QTGAL: variants seen among roughly 807,000 people sequenced by gnomAD.
QTGAL encodes queuosine-tRNA galactosyltransferase, also known as BGnT-like protein 1.
chr17:83,039,525 C>A, the QTGAL span, among the ~76,000 whole-genome samples: 6 of 117,252 alleles, frequency 5.1e-5, no homozygotes, highest in African/African-American at 1.8e-4. Context: ...CCGCCGCCCG[C>A]CCCTGTTCTA....
chr17:83,007,666 C>A, the QTGAL span, among the ~76,000 whole-genome samples: 544 of 152,298 alleles, frequency 3.6e-3, 4 homozygotes, highest in African/African-American at 0.012. Context: ...CTGATTGACG[C>A]CTGCTTCCAC....
At chr17:82,945,004 T>TTGAC in the QTGAL span, 1 of 152,214 alleles carries the variant, frequency 6.6e-6, no homozygotes, top group African/African-American at 2.4e-5. Context: ...GAAAATTTGA[T>TTGAC]TGACTTGGCC....
the QTGAL span, among the ~76,000 whole-genome samples, chr17:82,951,978 T>G: frequency 6.6e-6 from 1 of 151,638 alleles, no homozygotes; most frequent in East Asian, 1.9e-4. Context: ...TGGGGAGACG[T>G]GGAGACGTGG....
the QTGAL span, chr17:82,949,897 G>A: frequency 1.3e-5 from 2 of 152,226 alleles, no homozygotes; most frequent in Non-Finnish European, 2.9e-5. Flanking sequence ...CAACACCAGC[G>A]TGGGGATTTG....
chr17:82,980,697 G>A, the QTGAL span, among the ~76,000 whole-genome samples: 20 of 152,292 alleles, frequency 1.3e-4, no homozygotes, highest in African/African-American at 4.8e-4. Context: ...GACGGTCTAG[G>A]TCCTCTTGGG....
the QTGAL span, among the ~76,000 whole-genome samples, chr17:83,045,959 G>C: frequency 6.6e-6 from 1 of 151,904 alleles, no homozygotes; most frequent in African/African-American, 2.4e-5. Flanking sequence ...GAGTAGCTGG[G>C]ATTAAAGGCC....
At chr17:82,964,774 C>T in the QTGAL span, among the ~76,000 whole-genome samples, 10 of 96,834 alleles carry the variant, frequency 1.0e-4, no homozygotes, top group East Asian at 3.2e-4. Context: ...GGGACACGGA[C>T]GCCTGCAGGT....
At chr17:82,974,959 G>A in the QTGAL span, among the ~76,000 whole-genome samples, 16,091 of 80,564 alleles carry the variant, frequency 0.2, 1,308 homozygotes, top group African/African-American at 0.32. Context: ...CCCAGGGACC[G>A]GAGGCCACTA....
At chr17:83,008,351 G>C in the QTGAL span, among the ~76,000 whole-genome samples, 2 of 152,258 alleles carry the variant, frequency 1.3e-5, no homozygotes, top group African/African-American at 4.8e-5. Flanking sequence ...CAGGCCGCTG[G>C]AGTTGATCCC....
chr17:82,984,430 C>CGT, the QTGAL span, among the ~76,000 whole-genome samples: 1 of 119,518 alleles, frequency 8.4e-6, no homozygotes, highest in African/African-American at 3.0e-5. Context: ...CACAGGAGGA[C>CGT]GCAGGGAGAG....
At chr17:82,946,316 T>TA in the QTGAL span, among the ~76,000 whole-genome samples, 15 of 152,190 alleles carry the variant, frequency 9.9e-5, no homozygotes, top group African/African-American at 3.6e-4. Flanking sequence ...GTTCTCCAGT[T>TA]AAAGGAAGGC....
chr17:82,969,199 G>A, the QTGAL span, among the ~76,000 whole-genome samples: 15 of 151,250 alleles, frequency 9.9e-5, no homozygotes, highest in Non-Finnish European at 2.2e-4. Context: ...TCGCTCTGTC[G>A]CCCAGGCTGG....
At chr17:82,999,558 G>T in the QTGAL span, among the ~76,000 whole-genome samples, 1 of 152,286 alleles carries the variant, frequency 6.6e-6, no homozygotes, top group Admixed American at 6.5e-5. Context: ...TCAACGGTCG[G>T]TTAACACATA....
At chr17:82,980,092 T>C in the QTGAL span, among the ~76,000 whole-genome samples, 2 of 152,172 alleles carry the variant, frequency 1.3e-5, no homozygotes, top group African/African-American at 2.4e-5. Context: ...TAGCTCTAAA[T>C]GTAAAATGTA....
chr17:82,964,874 C>T, the QTGAL span, among the ~76,000 whole-genome samples: 5 of 68,538 alleles, frequency 7.3e-5, no homozygotes, highest in East Asian at 5.7e-4. Context: ...TGCACCCCCA[C>T]GGGGGGGACG....
the QTGAL span, among the ~76,000 whole-genome samples, chr17:82,980,437 C>G: frequency 1.9e-4 from 29 of 152,276 alleles, no homozygotes; most frequent in East Asian, 3.9e-4. Context: ...CTCAGACCCC[C>G]CCAGGTGAGG....
the QTGAL span, among the ~76,000 whole-genome samples, chr17:83,044,945 C>CAAAAAAAAAA: frequency 5.7e-4 from 75 of 131,828 alleles, no homozygotes; most frequent in African/African-American, 2.1e-3. Context: ...GACTCTGTCT[C>CAAAAAAAAAA]AAAAAAAAAA....
At chr17:83,041,703 G>A in the QTGAL span, among the ~76,000 whole-genome samples, 8 of 152,326 alleles carry the variant, frequency 5.3e-5, no homozygotes, top group African/African-American at 1.9e-4. Context: ...CATGGCCACT[G>A]CCTGGTATCC....
chr17:83,010,147 C>T, the QTGAL span, among the ~76,000 whole-genome samples: 3 of 151,766 alleles, frequency 2.0e-5, no homozygotes, highest in African/African-American at 7.3e-5. Flanking sequence ...TGTGGGCAGC[C>T]AGGGGTGCCT....
Sources: gnomAD v4.1 joint callset for allele counts (sites outside exome capture counted in the v4.1 genomes callset) on GRCh38, gnomAD v4.1.1 for gene constraint, MANE v1.5 for transcripts, NCBI Gene and HGNC (gene_info 2026-07-23, HGNC 2026-07-21) for gene names.